DLC1: variants seen among roughly 807,000 people sequenced by gnomAD.
DLC1 encodes rho GTPase-activating protein 7.
DLC1 carries 54 observed loss-of-function variants against 140.3 expected under a neutral mutation model. The observed-to-expected ratio is 0.38, with a 90% CI of 0.31 to 0.48. The LOEUF is 0.48. Among genes scored for constraint, DLC1 ranks in the 20% least tolerant of loss-of-function variants. The probability of loss-of-function intolerance (pLI) is 0.96; values close to 1 mark genes in which losing one functional copy is unlikely to be tolerated. For missense variants in DLC1, 2,536 were observed against 1,907.0 expected, an observed-to-expected ratio of 1.33 and a Z score of -6.14; for synonymous variants, 986 against 728.1, an observed-to-expected ratio of 1.35 and a Z score of -5.70.
At chr8:13,347,963 C>A (rs541932072) in intron 4 of DLC1, among the ~76,000 whole-genome samples, 1 of 152,106 alleles carries the variant, frequency 6.6e-6, no homozygotes, top group East Asian at 1.9e-4. Flanking sequence ...GTGGCAGGCA[C>A]CTGTAGTCCC....
At chr8:13,493,758 G>C (rs1585200861) in intron 2 of DLC1, among the ~76,000 whole-genome samples, 1 of 151,720 alleles carries the variant, frequency 6.6e-6, no homozygotes, top group African/African-American at 2.4e-5. Flanking sequence ...TCCTACTTTG[G>C]TTCATTCCAT....
chr8:13,091,826 C>T (rs1291301119), intron 13 of DLC1, among the ~76,000 whole-genome samples: 2 of 152,128 alleles, frequency 1.3e-5, no homozygotes, highest in East Asian at 1.9e-4. Context: ...CAGGCCCCCT[C>T]CCACAGGTGA....
chr8:13,242,069 A>T (rs1187766398), intron 5 of DLC1, among the ~76,000 whole-genome samples: 1 of 152,090 alleles, frequency 6.6e-6, no homozygotes, highest in East Asian at 1.9e-4. Context: ...GATCTCTTTT[A>T]TAGGTAAAAC....
chr8:13,375,982 A>G (rs978239605), intron 4 of DLC1, among the ~76,000 whole-genome samples: 10 of 152,172 alleles, frequency 6.6e-5, no homozygotes, highest in African/African-American at 2.4e-4. Context: ...TAGATTTTCA[A>G]ATTTTCTCCT....
At chr8:13,513,319 A>T (rs1311170387) in intron 1 of DLC1, among the ~76,000 whole-genome samples, 1 of 152,144 alleles carries the variant, frequency 6.6e-6, no homozygotes. Context: ...TTTATCTTCC[A>T]CATATATAAA....
chr8:13,552,519 AGCT>A (rs1184339301), intron 1 of DLC1, among the ~76,000 whole-genome samples: 1 of 151,334 alleles, frequency 6.6e-6, no homozygotes, highest in Admixed American at 6.6e-5. Flanking sequence ...TAGAAGTATC[AGCT>A]GTAACCTTAA....
At chr8:13,477,568 C>G (rs939390286) in intron 2 of DLC1, among the ~76,000 whole-genome samples, 1 of 152,126 alleles carries the variant, frequency 6.6e-6, no homozygotes, top group Non-Finnish European at 1.5e-5. Context: ...AGTGCTTTTA[C>G]AAATGGAAAT....
At chr8:13,134,751 G>A (rs761280981) in intron 5 of DLC1, among the ~76,000 whole-genome samples, 1 of 152,026 alleles carries the variant, frequency 6.6e-6, no homozygotes, top group Non-Finnish European at 1.5e-5. Flanking sequence ...TTGATCCCGG[G>A]AGCTTGAGAC....
chr8:13,582,912 A>ATC (rs1805164303), intron 1 of DLC1, among the ~76,000 whole-genome samples: 1 of 131,976 alleles, frequency 7.6e-6, no homozygotes, highest in Non-Finnish European at 1.6e-5. Context: ...ATATATATAT[A>ATC]TATATATGTG....
intron 2 of DLC1, among the ~76,000 whole-genome samples, chr8:13,456,812 A>T (rs756163862): frequency 1.1e-4 from 17 of 152,182 alleles, no homozygotes; most frequent in Non-Finnish European, 2.4e-4. Context: ...ATCAGCTCCA[A>T]AGACAAATTC....
chr8:13,550,775 A>G (rs994125295), intron 1 of DLC1, among the ~76,000 whole-genome samples: 3 of 152,120 alleles, frequency 2.0e-5, no homozygotes, highest in Non-Finnish European at 4.4e-5. Context: ...CATGTTCCAT[A>G]TTAAATCACG....
intron 1 of DLC1, among the ~76,000 whole-genome samples, chr8:13,538,653 A>G (rs1049238636): frequency 6.6e-6 from 1 of 152,108 alleles, no homozygotes; most frequent in East Asian, 1.9e-4. Flanking sequence ...CTGAAACACT[A>G]TAGTAGGGTG....
chr8:13,127,454 C>T (rs1037243275), intron 5 of DLC1, among the ~76,000 whole-genome samples: 1 of 152,220 alleles, frequency 6.6e-6, no homozygotes, highest in Non-Finnish European at 1.5e-5. Context: ...GATGTCCAAG[C>T]ATTACATAAA....
At chr8:13,601,092 A>T (rs1299927440) in intron 1 of DLC1, among the ~76,000 whole-genome samples, 1 of 151,796 alleles carries the variant, frequency 6.6e-6, no homozygotes, top group Non-Finnish European at 1.5e-5. Flanking sequence ...CCTCCTAAAG[A>T]CACACCTTCG....
chr8:13,604,006 T>C (rs767984692), intron 1 of DLC1, among the ~76,000 whole-genome samples: 28 of 152,148 alleles, frequency 1.8e-4, no homozygotes, highest in Non-Finnish European at 3.8e-4. Flanking sequence ...TGAAAAAGCT[T>C]ATAAGAAAAA....
intron 2 of DLC1, among the ~76,000 whole-genome samples, chr8:13,427,193 C>A (rs1404570567): frequency 6.6e-6 from 1 of 152,164 alleles, no homozygotes; most frequent in East Asian, 1.9e-4. Flanking sequence ...GGTTAATGCC[C>A]CAGCTTTGCA....
intron 2 of DLC1, among the ~76,000 whole-genome samples, chr8:13,462,437 G>A (rs1345000992): frequency 8.7e-5 from 13 of 149,632 alleles, no homozygotes; most frequent in Non-Finnish European, 1.6e-4. Context: ...TGGCTGGCTG[G>A]CGACAGCCCA....
At chr8:13,333,140 G>A (rs1024395777) in intron 4 of DLC1, among the ~76,000 whole-genome samples, 3 of 152,066 alleles carry the variant, frequency 2.0e-5, no homozygotes, top group African/African-American at 4.8e-5. Context: ...CTTATTGCAT[G>A]CATGAATACA....
chr8:13,346,657 C>G (rs999041460), intron 4 of DLC1, among the ~76,000 whole-genome samples: 3 of 152,196 alleles, frequency 2.0e-5, no homozygotes, highest in Non-Finnish European at 4.4e-5. Flanking sequence ...TCTCATTGTC[C>G]AGGCCGGGGA....
Sources: allele counts gnomAD v4.1 joint callset (sites outside exome capture counted in the v4.1 genomes callset), GRCh38; gene constraint gnomAD v4.1.1; transcripts MANE v1.5; gene names NCBI Gene and HGNC (gene_info 2026-07-23, HGNC 2026-07-21).